The following PKNOX2 variants were observed in gnomAD, a reference collection of about 807,000 sequenced individuals.
PKNOX2 encodes the protein homeobox protein PKNOX2.
A neutral mutation model predicts 53.1 loss-of-function variants in PKNOX2; 14 were observed. The ratio of observed to expected loss-of-function variants is 0.26; its 90% CI spans 0.17 to 0.41. The LOEUF (loss-of-function observed/expected upper bound fraction) is 0.41. Ranked by LOEUF, PKNOX2 falls within the 10% of genes least tolerant of loss-of-function variation. PKNOX2 has a pLI of 1.00. For missense variants in PKNOX2, 496 were observed against 602.8 expected (o/e 0.82, Z 1.85); for synonymous variants, 257 against 242.8 (o/e 1.06, Z -0.54).
At chr11:125,263,064 G>C (rs1945004483) in intron 2 of PKNOX2, among the ~76,000 whole-genome samples, 1 of 152,222 alleles carries the variant, frequency 6.6e-6, no homozygotes, top group Non-Finnish European at 1.5e-5. Context: ...CAGAGGGCCA[G>C]AGCCAGTGGT....
chr11:125,431,464 G>GGA lies in PKNOX2; in HGVS notation c.*72_*73insGA. The stretch of plus-strand genomic sequence containing the variant: ...GCCGGGAGGCCTTCAGGGTGGGGGG[G>GGA]AAGGGGACATGGGCAGGAAGCACCG... On this transcript the variant is annotated 3_prime_UTR_variant, in exon 13 of 13. Transcript: ENST00000298282. 3.3e-6 allele frequency: 1 copy of GGA among 302,800 alleles called. No homozygotes were observed. 18.8% of individuals were successfully genotyped at this position (302,800 alleles called of 1,614,324 possible).
chr11:125,429,823 C>A, intron 11 of PKNOX2, 140 bp from the exon 12 acceptor site: 1 of 1,002,250 alleles, frequency 1.0e-6, no homozygotes, highest in Non-Finnish European at 1.5e-6. Context: ...GGCCCTCCTC[C>A]TTGCTGGGCT....
At chr11:125,174,826 T>C (rs1591468793) in intron 1 of PKNOX2, among the ~76,000 whole-genome samples, 1 of 151,990 alleles carries the variant, frequency 6.6e-6, no homozygotes, top group African/African-American at 2.4e-5. Flanking sequence ...ATAGCGGTGG[T>C]GGAAGGAGCT....
chr11:125,230,754 T>C (rs1253551381), intron 1 of PKNOX2, among the ~76,000 whole-genome samples: 1 of 152,250 alleles, frequency 6.6e-6, no homozygotes, highest in Non-Finnish European at 1.5e-5. Flanking sequence ...GCAGCCATTT[T>C]TTAATTAAGT....
chr11:125,317,337 A>T (rs1017510970), intron 2 of PKNOX2, among the ~76,000 whole-genome samples: 2 of 152,254 alleles, frequency 1.3e-5, no homozygotes, highest in East Asian at 3.8e-4. Context: ...TCTTAATGGC[A>T]CTAGAATGGT....
intron 2 of PKNOX2, among the ~76,000 whole-genome samples, chr11:125,292,531 G>C (rs1346057895): frequency 6.6e-6 from 1 of 152,142 alleles, no homozygotes; most frequent in African/African-American, 2.4e-5. Context: ...GGGTTCTGGG[G>C]GCACTGCCTC....
At chr11:125,203,134 G>A (rs749742511) in intron 1 of PKNOX2, among the ~76,000 whole-genome samples, 54 of 152,218 alleles carry the variant, frequency 3.5e-4, no homozygotes, top group Middle Eastern at 6.8e-3. Context: ...CTCACCTCTG[G>A]CCTCTAAATA....
At chr11:125,258,365 G>A (rs542108272) in intron 2 of PKNOX2, among the ~76,000 whole-genome samples, 1 of 152,178 alleles carries the variant, frequency 6.6e-6, no homozygotes, top group South Asian at 2.1e-4. Flanking sequence ...CACGTCATTA[G>A]TGAAGCTGGT....
chr11:125,380,809 G>A (rs1953167667), intron 5 of PKNOX2, among the ~76,000 whole-genome samples: 1 of 152,198 alleles, frequency 6.6e-6, no homozygotes, highest in Admixed American at 6.5e-5. Context: ...CTGCCCTCAG[G>A]GTAGACCCCC....
chr11:125,353,548 G>T (rs539956785), intron 4 of PKNOX2, among the ~76,000 whole-genome samples: 17 of 152,348 alleles, frequency 1.1e-4, no homozygotes, highest in African/African-American at 4.1e-4. Context: ...TCTAGCCTTT[G>T]TGAGGAAGAA....
chr11:125,293,130 G>T (rs2135919371), intron 2 of PKNOX2, among the ~76,000 whole-genome samples: 1 of 152,272 alleles, frequency 6.6e-6, no homozygotes, highest in East Asian at 1.9e-4. Flanking sequence ...AACAGTCATT[G>T]CCTCTGGGGG....
chr11:125,284,209 C>A (rs1355587257), intron 2 of PKNOX2, among the ~76,000 whole-genome samples: 1 of 152,222 alleles, frequency 6.6e-6, no homozygotes, highest in Non-Finnish European at 1.5e-5. Context: ...TCTCTTATTA[C>A]GGTGCATACA....
intron 3 of PKNOX2, among the ~76,000 whole-genome samples, chr11:125,344,029 G>A (rs553296379): frequency 2.6e-5 from 4 of 152,262 alleles, no homozygotes; most frequent in South Asian, 2.1e-4. Flanking sequence ...AGGAGGGAGC[G>A]GCTGAGGAGG....
rs1359119584 is a variant in PKNOX2, at chr11:125,183,462, C to T, written c.-201+18686C>T. On this transcript the variant is annotated intron_variant, in intron 1 of 12. Transcript: ENST00000298282. ...CGATCTCCTGACCTCATGATCCACCCGCCTCGGCCTCCCAAAGGATGAATC... is the reference window on the plus strand; with the variant it reads ...CGATCTCCTGACCTCATGATCCACCTGCCTCGGCCTCCCAAAGGATGAATC... Among the ~76,000 whole-genome samples the T allele has an allele frequency of 7.4e-5, 4 of 54,310 alleles. 1 individual carries two copies. The highest frequency in any genetic ancestry group is 3.0e-4 in the Admixed American group (2 of 6,684). The allele number at this position is 54,310 out of a possible 152,430, so 35.6% of individuals were successfully genotyped here.
At chr11:125,269,342 C>T (rs1019779814) in intron 2 of PKNOX2, among the ~76,000 whole-genome samples, 1 of 152,134 alleles carries the variant, frequency 6.6e-6, no homozygotes, top group African/African-American at 2.4e-5. Flanking sequence ...CCTACAGGAA[C>T]CATCTGATCT....
intron 2 of PKNOX2, among the ~76,000 whole-genome samples, chr11:125,304,301 A>G (rs4081796): frequency 0.69 from 105,233 of 152,214 alleles, 36,957 homozygotes; most frequent in East Asian, 0.81. Flanking sequence ...CCTCACTTAC[A>G]GGAAGCTGGG....
intron 2 of PKNOX2, among the ~76,000 whole-genome samples, chr11:125,235,786 G>A (rs1303199930): frequency 6.6e-6 from 1 of 152,144 alleles, no homozygotes; most frequent in Non-Finnish European, 1.5e-5. Context: ...CCCTGCCTGT[G>A]TCCCCTGCCT....
chr11:125,403,281 G>C (rs1954866007), intron 7 of PKNOX2, among the ~76,000 whole-genome samples: 1 of 152,110 alleles, frequency 6.6e-6, no homozygotes, highest in Non-Finnish European at 1.5e-5. Context: ...TCTGTTTTGG[G>C]GCTAATAGTG....
chr11:125,178,565 CGAAGGAAGGAAG>C (rs1176892919), intron 1 of PKNOX2, among the ~76,000 whole-genome samples: 10 of 60,362 alleles, frequency 1.7e-4, no homozygotes, highest in Non-Finnish European at 2.2e-4. Context: ...AAGGAAGGAA[CGAAGGAAGGAAG>C]GAAGGAAGGA....
Sources: gnomAD v4.1 joint callset for allele counts (sites outside exome capture counted in the v4.1 genomes callset) on GRCh38, gnomAD v4.1.1 for gene constraint, MANE v1.5 for transcripts, NCBI Gene and HGNC (gene_info 2026-07-23, HGNC 2026-07-21) for gene names.